Variants in DAB1 observed in about 807,000 individuals in gnomAD.
DAB1 encodes disabled homolog 1.
In DAB1, 15 loss-of-function variants were observed where a neutral mutation model predicts 64.6. That is an observed-to-expected ratio of 0.23 (90% CI 0.16 to 0.36). The LOEUF (loss-of-function observed/expected upper bound fraction) is 0.36, where lower values mean the gene tolerates loss of function less well. Among genes scored for constraint, DAB1 ranks in the 10% least tolerant of loss-of-function variants. DAB1 has a pLI of 1.00. For synonymous variants in DAB1, 235 were observed against 251.9 expected (o/e 0.93, Z 0.64); for missense variants, 596 against 706.7 (o/e 0.84, Z 1.78).
chr1:57,604,408 G>GAAA (rs34728915), intron 7 of DAB1, among the ~76,000 whole-genome samples: 1 of 140,000 alleles, frequency 7.1e-6, no homozygotes, highest in Non-Finnish European at 1.6e-5. Context: ...TATTATAAAA[G>GAAA]AAAAAAAAAA....
At chr1:58,415,658 C>A (rs1644712815) in intron 3 of DAB1, among the ~76,000 whole-genome samples, 1 of 152,224 alleles carries the variant, frequency 6.6e-6, no homozygotes, top group Non-Finnish European at 1.5e-5. Context: ...CTCTTCCTCC[C>A]TACCCATTCA....
intron 4 of DAB1, among the ~76,000 whole-genome samples, chr1:57,125,934 C>T (rs1043900289): frequency 6.6e-5 from 10 of 152,058 alleles, no homozygotes; most frequent in East Asian, 3.9e-4. Context: ...ACTTTTACAA[C>T]GAAAAATTCA....
intron 3 of DAB1, among the ~76,000 whole-genome samples, chr1:58,350,680 A>G (rs1298885829): frequency 6.6e-6 from 1 of 152,190 alleles, no homozygotes; most frequent in Non-Finnish European, 1.5e-5. Flanking sequence ...GCATATGCCT[A>G]GCCAGTTTTC....
chr1:57,866,470 A>G (rs991787181), intron 1 of DAB1: 12 of 152,114 alleles, frequency 7.9e-5, no homozygotes, highest in African/African-American at 2.7e-4. Flanking sequence ...GTAGTTTGTC[A>G]TTCTTTGAGT....
chr1:57,822,610 A>G (rs909872590), downstream of DAB1, among the ~76,000 whole-genome samples: 3 of 152,358 alleles, frequency 2.0e-5, no homozygotes, highest in African/African-American at 4.8e-5. Context: ...TGATTGCATG[A>G]AAGTCCAGAT....
chr1:58,542,695 A>G (rs1458114289), intron 1 of DAB1, among the ~76,000 whole-genome samples: 1 of 152,172 alleles, frequency 6.6e-6, no homozygotes, highest in Non-Finnish European at 1.5e-5. Context: ...CTTGACCTCA[A>G]ATCTGATGAT....
chr1:57,003,281 A>G (rs1352802115), intron 14 of DAB1, among the ~76,000 whole-genome samples: 1 of 152,208 alleles, frequency 6.6e-6, no homozygotes, highest in Non-Finnish European at 1.5e-5. Flanking sequence ...AAGTGGACTC[A>G]CAGAACTGGA....
intron 7 of DAB1, among the ~76,000 whole-genome samples, chr1:57,641,819 C>T (rs1646134251): frequency 6.6e-6 from 1 of 152,118 alleles, no homozygotes; most frequent in Admixed American, 6.5e-5. Context: ...CATCCTGTAT[C>T]CTTCTCTTCC....
chr1:57,661,869 G>A, intron 6 of DAB1, among the ~76,000 whole-genome samples: 1 of 152,048 alleles, frequency 6.6e-6, no homozygotes, highest in Non-Finnish European at 1.5e-5. Flanking sequence ...AGTAGAACTG[G>A]TGGATGTGGA....
At chr1:57,220,960 T>C (rs1230210308) in intron 2 of DAB1, among the ~76,000 whole-genome samples, 1 of 152,162 alleles carries the variant, frequency 6.6e-6, no homozygotes, top group Non-Finnish European at 1.5e-5. Context: ...ATGTTTATTG[T>C]GGCACTATTC....
intron 4 of DAB1, among the ~76,000 whole-genome samples, chr1:57,101,539 T>G (rs924456712): frequency 1.1e-4 from 17 of 152,210 alleles, no homozygotes; most frequent in African/African-American, 3.6e-4. Flanking sequence ...CAGCCTCAAG[T>G]TCCAACAAAG....
chr1:57,588,005 G>C (rs1645400652), intron 7 of DAB1, among the ~76,000 whole-genome samples: 1 of 152,152 alleles, frequency 6.6e-6, no homozygotes, highest in Non-Finnish European at 1.5e-5. Context: ...CCACTTTGTT[G>C]CTCTCCTCTC....
Position 57,991,925 on chromosome 1 carries a change from G to T in DAB1, n.388-107763C>A, listed in dbSNP as rs568320040. On this transcript the variant is annotated intron_variant and non_coding_transcript_variant, in intron 5 of 20. Coordinates refer to the DAB1 transcript ENST00000485760. ...GCTGATGGTGGAAGGGAGATTGGATGCCCGAGTTGAGAAGGTCAAGTCAAG... is the reference window on the plus strand; with the variant it reads ...GCTGATGGTGGAAGGGAGATTGGATTCCCGAGTTGAGAAGGTCAAGTCAAG... Among the ~76,000 whole-genome samples the T allele has an allele frequency of 1.3e-4, 20 of 151,020 alleles. 1 individual carries two copies. The highest frequency in any genetic ancestry group is 4.9e-4 in the African/African-American group (20 of 41,098).
chr1:57,854,412 C>A (rs1257020855), intron 1 of DAB1, among the ~76,000 whole-genome samples: 1 of 151,988 alleles, frequency 6.6e-6, no homozygotes, highest in Non-Finnish European at 1.5e-5. Flanking sequence ...AGGAAGAGCC[C>A]AACATGGGAA....
chr1:57,753,670 T>C (rs375925070), intron 6 of DAB1, among the ~76,000 whole-genome samples: 5 of 152,228 alleles, frequency 3.3e-5, no homozygotes, highest in Non-Finnish European at 7.3e-5. Context: ...ATTGTTGCCC[T>C]CTTTGCAAAA....
At chr1:57,671,498 A>G (rs1646509849) in intron 6 of DAB1, among the ~76,000 whole-genome samples, 2 of 152,114 alleles carry the variant, frequency 1.3e-5, no homozygotes, top group African/African-American at 2.4e-5. Flanking sequence ...GATATATAGC[A>G]TATAAAATCA....
intron 3 of DAB1, among the ~76,000 whole-genome samples, chr1:58,455,409 CGCAATGCGCT>C (rs1314739912): frequency 6.6e-6 from 1 of 152,232 alleles, no homozygotes; most frequent in Non-Finnish European, 1.5e-5. Context: ...CGCGGACAGG[CGCAATGCGCT>C]GCAGCAGTCA....
intron 2 of DAB1, among the ~76,000 whole-genome samples, chr1:57,265,040 G>A (rs1346264091): frequency 6.6e-6 from 1 of 152,164 alleles, no homozygotes; most frequent in Admixed American, 6.5e-5. Context: ...TTGCGGCTTA[G>A]AAAACAGATC....
chr1:58,081,023 T>G (rs1180014266), intron 5 of DAB1, among the ~76,000 whole-genome samples: 1 of 152,218 alleles, frequency 6.6e-6, no homozygotes, highest in East Asian at 1.9e-4. Flanking sequence ...CCAAAGCCTA[T>G]GCTCTTATCA....
Sources: allele counts gnomAD v4.1 joint callset (sites outside exome capture counted in the v4.1 genomes callset), GRCh38; gene constraint gnomAD v4.1.1; transcripts MANE v1.5; gene names NCBI Gene and HGNC (gene_info 2026-07-23, HGNC 2026-07-21).